Variants in IL1RAPL2 observed in about 807,000 individuals in gnomAD.
The protein encoded by IL1RAPL2 is X-linked interleukin-1 receptor accessory protein-like 2.
Under a neutral mutation model 44.1 loss-of-function variants are expected in IL1RAPL2, and 3 were observed. The observed-to-expected ratio is 0.07, with a 90% CI of 0.03 to 0.18. The LOEUF (loss-of-function observed/expected upper bound fraction) is 0.18. Ranked by LOEUF, IL1RAPL2 falls within the 10% of genes least tolerant of loss-of-function variation. The pLI, the probability that IL1RAPL2 is intolerant of heterozygous loss-of-function variation, is 1.00. For synonymous variants in IL1RAPL2, 181 were observed against 178.8 expected (o/e 1.01, Z -0.10); for missense variants, 391 against 496.4 (o/e 0.79, Z 2.02).
chrX:105,385,713 G>C (rs1024076218), intron 5 of IL1RAPL2, among the ~76,000 whole-genome samples: 1 of 110,525 alleles, frequency 9.0e-6, no homozygotes, highest in African/African-American at 3.3e-5. Context: ...CAAAGTCTTG[G>C]GAGGGGAAAT....
chrX:104,627,071 C>A (rs1291760371), intron 1 of IL1RAPL2, among the ~76,000 whole-genome samples: 1 of 109,770 alleles, frequency 9.1e-6, no homozygotes, highest in East Asian at 2.9e-4. Context: ...CCCGCCTCGG[C>A]CTTCTAAAGT....
At chrX:105,341,835 C>T (rs1009621672) in intron 5 of IL1RAPL2, among the ~76,000 whole-genome samples, 2 of 110,503 alleles carry the variant, frequency 1.8e-5, no homozygotes, top group African/African-American at 6.6e-5. Context: ...GGAGGCTGAC[C>T]CAGGAGAATG....
At chrX:105,206,685 C>A (rs781992719) in intron 3 of IL1RAPL2, among the ~76,000 whole-genome samples, 1 of 111,688 alleles carries the variant, frequency 9.0e-6, no homozygotes, top group Non-Finnish European at 1.9e-5. Context: ...ATAGAGATTC[C>A]AAGTTCATGA....
intron 1 of IL1RAPL2, among the ~76,000 whole-genome samples, chrX:104,589,664 TA>T (rs1928627148): frequency 8.9e-6 from 1 of 112,500 alleles, no homozygotes; most frequent in Admixed American, 9.4e-5. Flanking sequence ...CATTTGATTT[TA>T]TGATGTCTTT....
intron 8 of IL1RAPL2, among the ~76,000 whole-genome samples, chrX:105,744,290 T>TGCA (rs2038522966): frequency 8.9e-6 from 1 of 112,121 alleles, no homozygotes; most frequent in African/African-American, 3.2e-5. Flanking sequence ...TACAAAAGTA[T>TGCA]GCAGTTAATC....
chrX:105,580,967 T>A (rs1390421912), intron 6 of IL1RAPL2, among the ~76,000 whole-genome samples: 2 of 111,932 alleles, frequency 1.8e-5, no homozygotes, highest in Non-Finnish European at 3.8e-5. Flanking sequence ...TTTTTTTTCT[T>A]CTGTGGACTC....
intron 1 of IL1RAPL2, among the ~76,000 whole-genome samples, chrX:104,658,312 G>A: frequency 8.9e-6 from 1 of 112,007 alleles, no homozygotes; most frequent in East Asian, 2.8e-4. Context: ...TATGTCCTTT[G>A]TAGGGACATG....
At chrX:104,958,927 G>A (rs945570554) in intron 2 of IL1RAPL2, among the ~76,000 whole-genome samples, 1 of 110,104 alleles carries the variant, frequency 9.1e-6, no homozygotes, top group Admixed American at 9.8e-5. Flanking sequence ...TCATCACTAC[G>A]ATACATATCC....
intron 2 of IL1RAPL2, among the ~76,000 whole-genome samples, chrX:104,918,845 G>C (rs1924541495): frequency 8.9e-6 from 1 of 111,782 alleles, no homozygotes; most frequent in African/African-American, 3.2e-5. Context: ...AATTTTTATT[G>C]TTTCTCAAAT....
chrX:105,116,946 G>A (rs1443451443), intron 2 of IL1RAPL2, among the ~76,000 whole-genome samples: 2 of 112,037 alleles, frequency 1.8e-5, no homozygotes, highest in Non-Finnish European at 3.8e-5. Flanking sequence ...ATTTCGGAAA[G>A]ACTCTCTTAA....
At chrX:104,973,174 A>C (rs1014696270) in intron 2 of IL1RAPL2, among the ~76,000 whole-genome samples, 13 of 111,576 alleles carry the variant, frequency 1.2e-4, no homozygotes, top group African/African-American at 4.2e-4. Flanking sequence ...TAAATTTTAA[A>C]GGGGGCATAG....
intron 2 of IL1RAPL2, among the ~76,000 whole-genome samples, chrX:104,888,008 T>A (rs1248507008): frequency 9.0e-6 from 1 of 111,285 alleles, no homozygotes; most frequent in Middle Eastern, 4.2e-3. Flanking sequence ...TACATGCCCA[T>A]GCTGCAATAT....
At chrX:105,419,541 T>C (rs1398954452) in intron 5 of IL1RAPL2, among the ~76,000 whole-genome samples, 1 of 112,070 alleles carries the variant, frequency 8.9e-6, no homozygotes, top group Non-Finnish European at 1.9e-5. Flanking sequence ...TTTCCAGAAA[T>C]AGACTTGCAT....
intron 2 of IL1RAPL2, among the ~76,000 whole-genome samples, chrX:104,909,800 TTGTC>T (rs1281118330): frequency 8.9e-6 from 1 of 112,593 alleles, no homozygotes; most frequent in South Asian, 3.7e-4. Context: ...GTCTTTTTGT[TTGTC>T]TGTGCCCTGC....
At chrX:105,333,221 A>G (rs1025725759) in intron 5 of IL1RAPL2, among the ~76,000 whole-genome samples, 3 of 111,635 alleles carry the variant, frequency 2.7e-5, no homozygotes, top group Non-Finnish European at 5.7e-5. Context: ...ACACGCCTAC[A>G]GTGAACTTAT....
chrX:104,669,286 G>A (rs143942210), intron 2 of IL1RAPL2, among the ~76,000 whole-genome samples: 199 of 111,584 alleles, frequency 1.8e-3, no homozygotes, highest in Non-Finnish European at 3.1e-3. Context: ...AGCATTCGGT[G>A]TTATTGGACA....
intron 2 of IL1RAPL2, among the ~76,000 whole-genome samples, chrX:104,898,590 A>T (rs1923722095): frequency 8.9e-6 from 1 of 112,369 alleles, no homozygotes; most frequent in Non-Finnish European, 1.9e-5. Context: ...CCTTAACTTA[A>T]CTCTTAGCAA....
At chrX:104,976,777 G>C (rs1337734613) in intron 2 of IL1RAPL2, among the ~76,000 whole-genome samples, 1 of 110,561 alleles carries the variant, frequency 9.0e-6, no homozygotes, top group Non-Finnish European at 1.9e-5. Flanking sequence ...GCATCCAACA[G>C]TGAACCCCAA....
intron 5 of IL1RAPL2, among the ~76,000 whole-genome samples, chrX:105,297,879 T>G (rs1424662311): frequency 1.8e-5 from 2 of 111,416 alleles, no homozygotes; most frequent in East Asian, 5.7e-4. Flanking sequence ...GGAGACTAAT[T>G]AGGAAGCTGC....
Sources: allele counts gnomAD v4.1 joint callset (sites outside exome capture counted in the v4.1 genomes callset), GRCh38; gene constraint gnomAD v4.1.1; transcripts MANE v1.5; gene names NCBI Gene and HGNC (gene_info 2026-07-23, HGNC 2026-07-21).